Variants in RANBP2 observed in about 807,000 individuals in gnomAD.
RANBP2 encodes E3 SUMO-protein ligase RanBP2.
RANBP2 carries 57 observed loss-of-function variants against 303.6 expected under a neutral mutation model. The ratio of observed to expected loss-of-function variants is 0.19; its 90% CI spans 0.15 to 0.23. The LOEUF (loss-of-function observed/expected upper bound fraction) is 0.23, where lower values mean the gene tolerates loss of function less well. RANBP2 is among the 10% of genes least tolerant of loss of function. The pLI, the probability that RANBP2 is intolerant of heterozygous loss-of-function variation, is 1.00. For synonymous variants in RANBP2, 1,167 were observed against 1,301.5 expected (o/e 0.90, Z 2.23); for missense variants, 3,138 against 3,780.8 (o/e 0.83, Z 4.46).
the RANBP2 span, among the ~76,000 whole-genome samples, chr2:109,634,495 G>A: frequency 6.6e-6 from 1 of 152,194 alleles, no homozygotes; most frequent in African/African-American, 2.4e-5. Flanking sequence ...TGTCACAGAA[G>A]GTGGAGCTTC....
the RANBP2 span, among the ~76,000 whole-genome samples, chr2:109,078,307 A>C: frequency 7.6e-6 from 1 of 131,480 alleles, no homozygotes; most frequent in African/African-American, 2.8e-5. Flanking sequence ...TATAGCGTGT[A>C]TATATATATG....
At chr2:108,814,957 A>AT in the RANBP2 span, among the ~76,000 whole-genome samples, 20 of 152,284 alleles carry the variant, frequency 1.3e-4, no homozygotes, top group Admixed American at 1.3e-4. Flanking sequence ...AAAAAAATAA[A>AT]TTTAACATAG....
chr2:109,579,974 A>C, the RANBP2 span, among the ~76,000 whole-genome samples: 2 of 151,772 alleles, frequency 1.3e-5, no homozygotes, highest in African/African-American at 4.8e-5. Flanking sequence ...TACAAAAATT[A>C]GCTGGGCGTG....
chr2:109,325,490 G>T, the RANBP2 span, among the ~76,000 whole-genome samples: 1 of 151,780 alleles, frequency 6.6e-6, no homozygotes, highest in Non-Finnish European at 1.5e-5. Context: ...ACAGGCATGT[G>T]CCACCATGTA....
chr2:109,546,742 C>G, the RANBP2 span, among the ~76,000 whole-genome samples: 61 of 152,164 alleles, frequency 4.0e-4, no homozygotes, highest in Non-Finnish European at 6.6e-4. Flanking sequence ...AAACTGTATT[C>G]TATTTTTCCA....
chr2:108,855,221 A>G, the RANBP2 span, among the ~76,000 whole-genome samples: 1 of 152,208 alleles, frequency 6.6e-6, no homozygotes, highest in Non-Finnish European at 1.5e-5. Context: ...CCTAAAAGAT[A>G]AGGTCACTTG....
chr2:109,020,179 A>G, the RANBP2 span, among the ~76,000 whole-genome samples: 1 of 152,250 alleles, frequency 6.6e-6, no homozygotes, highest in South Asian at 2.1e-4. Flanking sequence ...ATGTGGAAAC[A>G]TATAAAACAC....
chr2:109,481,973 T>C, the RANBP2 span, among the ~76,000 whole-genome samples: 22 of 152,354 alleles, frequency 1.4e-4, no homozygotes, highest in African/African-American at 5.3e-4. Context: ...TGAAGCAGAC[T>C]CAGACCTCAA....
chr2:109,261,348 G>T, the RANBP2 span, among the ~76,000 whole-genome samples: 1 of 152,196 alleles, frequency 6.6e-6, no homozygotes. Context: ...CACAGCAAGA[G>T]CTCTAGTTAA....
the RANBP2 span, among the ~76,000 whole-genome samples, chr2:109,451,477 T>A: frequency 2.0e-5 from 3 of 152,350 alleles, no homozygotes; most frequent in Middle Eastern, 3.4e-3. Flanking sequence ...CTCTCTAGTT[T>A]GTGAAGCAAA....
At chr2:109,716,053 C>A in the RANBP2 span, among the ~76,000 whole-genome samples, 1 of 151,784 alleles carries the variant, frequency 6.6e-6, no homozygotes, top group African/African-American at 2.4e-5. Context: ...CACCTTTCCC[C>A]AAAGATGATT....
chr2:108,835,818 C>G, the RANBP2 span, among the ~76,000 whole-genome samples: 1 of 152,218 alleles, frequency 6.6e-6, no homozygotes, highest in Non-Finnish European at 1.5e-5. Context: ...TGAGACTGCA[C>G]AATCTGTAAA....
intron 1 of RANBP2, among the ~76,000 whole-genome samples, chr2:108,728,106 C>T (rs1573693178): frequency 2.0e-5 from 3 of 152,292 alleles, no homozygotes; most frequent in African/African-American, 7.2e-5. Flanking sequence ...CTTACTTATT[C>T]TTTCCCATAG....
At position 108,771,756 on chromosome 2, in the gene RANBP2, A is replaced by G. The variant is rs370656129; in HGVS notation, c.7905A>G (p.Val2635=). 18 of 1,613,880 alleles carry G rather than the reference A, an allele frequency of 1.1e-5. No homozygotes were observed. The highest frequency in any genetic ancestry group is 1.4e-5 in the Non-Finnish European group (16 of 1,179,946). Residue 2635 remains valine, a synonymous_variant, in exon 21 of 29, where the codon GTA becomes GTG. Coordinates refer to ENST00000283195, the MANE Select transcript of RANBP2 (RefSeq NM_006267.5). ...CCTCAGATGATGATGTTCTCATTGT[A>G]TATGAACTAACTCCAACCGCTGAGC... is the stretch of plus-strand genomic sequence containing the variant. ...DSPSDDDVLI[V]YELTPTAEQK... is the part of the protein sequence containing the mutation.
chr2:109,640,417 A>G, the RANBP2 span, among the ~76,000 whole-genome samples: 1 of 152,140 alleles, frequency 6.6e-6, no homozygotes, highest in Non-Finnish European at 1.5e-5. Flanking sequence ...GTGCCACTGC[A>G]CTCCAGCCTG....
the RANBP2 span, among the ~76,000 whole-genome samples, chr2:108,844,950 G>T: frequency 6.6e-6 from 1 of 152,056 alleles, no homozygotes; most frequent in South Asian, 2.1e-4. Flanking sequence ...GTTTCACCAT[G>T]TTGGCCAGAA....
At chr2:109,272,237 C>G in the RANBP2 span, among the ~76,000 whole-genome samples, 3 of 152,236 alleles carry the variant, frequency 2.0e-5, no homozygotes, top group Non-Finnish European at 4.4e-5. Flanking sequence ...TAAGCTGCTT[C>G]TTGCTTGTCT....
the RANBP2 span, among the ~76,000 whole-genome samples, chr2:109,461,439 A>G: frequency 7.2e-6 from 1 of 138,972 alleles, no homozygotes; most frequent in East Asian, 2.2e-4. Flanking sequence ...TGTCCTAAAG[A>G]CCTGCGCGGT....
the RANBP2 span, among the ~76,000 whole-genome samples, chr2:108,879,842 G>C: frequency 0.013 from 1,999 of 152,140 alleles, 63 homozygotes; most frequent in South Asian, 0.082. Context: ...TAGAGTCCTT[G>C]AGTTTACCTC....
Sources: allele counts gnomAD v4.1 joint callset (sites outside exome capture counted in the v4.1 genomes callset), GRCh38; gene constraint gnomAD v4.1.1; transcripts MANE v1.5; gene names NCBI Gene and HGNC (gene_info 2026-07-23, HGNC 2026-07-21).